A1CF: variants seen among roughly 807,000 people sequenced by gnomAD.
The protein encoded by A1CF is APOBEC-1 stimulating protein.
A neutral mutation model predicts 68.9 loss-of-function variants in A1CF; 48 were observed. That is an observed-to-expected ratio of 0.70 (90% CI 0.55 to 0.89). The LOEUF (loss-of-function observed/expected upper bound fraction) is 0.89, where lower values mean the gene tolerates loss of function less well. Ranked by LOEUF, A1CF falls within the 40% of genes least tolerant of loss-of-function variation. A1CF has a pLI of 0.00. For synonymous variants in A1CF, 272 were observed against 260.4 expected (o/e 1.04, Z -0.43); for missense variants, 653 against 718.9 (o/e 0.91, Z 1.05).
chr10:50,845,500 T>A (rs1839957097), intron 3 of A1CF, among the ~76,000 whole-genome samples: 1 of 152,218 alleles, frequency 6.6e-6, no homozygotes, highest in Non-Finnish European at 1.5e-5. Context: ...ACATAAGGTA[T>A]CAAAGCCCAG....
intron 8 of A1CF, among the ~76,000 whole-genome samples, chr10:50,818,658 C>A (rs958316390): frequency 6.6e-6 from 1 of 152,102 alleles, no homozygotes; most frequent in Non-Finnish European, 1.5e-5. Flanking sequence ...TAAATGTGAT[C>A]ATCAATGAAG....
chr10:50,860,121 A>G (rs891249769), intron 2 of A1CF, 136 bp from the exon 3 acceptor site: 2 of 576,666 alleles, frequency 3.5e-6, no homozygotes, highest in Admixed American at 6.3e-5. Flanking sequence ...GTTACATACA[A>G]ACAAGGCTGT....
chr10:50,811,722 T>C (rs930330045), intron 10 of A1CF, among the ~76,000 whole-genome samples: 7 of 152,236 alleles, frequency 4.6e-5, no homozygotes, highest in Non-Finnish European at 1.0e-4. Flanking sequence ...TTTTATTTGT[T>C]TGGTAAGACA....
At chr10:50,825,889 A>G (rs1838905419) in intron 7 of A1CF, among the ~76,000 whole-genome samples, 1 of 152,102 alleles carries the variant, frequency 6.6e-6, no homozygotes, top group African/African-American at 2.4e-5. Context: ...GCCCACCCGT[A>G]GAGTATATTT....
At chr10:50,838,968 C>T (rs961630137) in intron 5 of A1CF, among the ~76,000 whole-genome samples, 2 of 152,114 alleles carry the variant, frequency 1.3e-5, no homozygotes, top group East Asian at 1.9e-4. Context: ...TTCCCTTCTC[C>T]TCCTCCATCA....
chr10:50,806,850 A>C lies in A1CF; in HGVS notation c.1640T>G (p.Val547Gly). ...GYAVPNATAP[V>G]SAAQLKQAVT... Reference sequence around the variant, plus strand: ...CGCTTGCTTGAGCTGGGCTGCAGACACGGGTGCAGTTGCATTAGGGACAGC... The same window carrying C: ...CGCTTGCTTGAGCTGGGCTGCAGACCCGGGTGCAGTTGCATTAGGGACAGC... Residue 547 changes from valine to glycine, a missense_variant, in exon 13 of 13, where the codon GTG (valine) becomes GGG (glycine). Physicochemically the swap from Val to Gly is moderately radical, Grantham distance 109 (BLOSUM62 -3). Coordinates refer to ENST00000373997, the MANE Select transcript of A1CF (RefSeq NM_014576.4). 1.9e-6 allele frequency: 3 copies of C among 1,613,168 alleles called. No homozygotes were observed. The highest frequency in any genetic ancestry group is 1.7e-6 in the Non-Finnish European group (2 of 1,179,520).
chr10:50,814,793 C>A (rs1838288280), intron 9 of A1CF, among the ~76,000 whole-genome samples: 1 of 151,294 alleles, frequency 6.6e-6, no homozygotes, highest in Non-Finnish European at 1.5e-5. Context: ...TGTTTTTTTT[C>A]GACATCATAA....
chr10:50,801,314 A>G lies in A1CF; in HGVS notation c.*5415T>C, dbSNP rs562070276. The G allele has an allele frequency of 2.6e-5, 4 of 152,378 alleles. No homozygotes were observed. The highest frequency in any genetic ancestry group is 6.5e-5 in the Admixed American group (1 of 15,296). 9.4% of individuals were successfully genotyped at this position (152,378 alleles called of 1,614,324 possible). ...GCTAGGCTCTTTAGTTTAAGCTGTT[A>G]TCTGCTTTGGAGAAGACAAAGCCAA... is the stretch of plus-strand genomic sequence containing the variant. On this transcript the variant is annotated 3_prime_UTR_variant, in exon 13 of 13. Transcript: ENST00000373997.
In A1CF at chr10:50,836,124, T is replaced by G; in HGVS notation, c.554A>C (p.Glu185Ala). ...GGCAGCTGCTCGATGACTCTCATAC[T>G]CCACGAAGGCAAAGCCTCGGTTTTT... is the stretch of plus-strand genomic sequence containing the variant. ...KTKNRGFAFV[E>A]YESHRAAAMA... The change falls in exon 6 of 13, where the codon GAG becomes GCG. Residue 185 changes from glutamate to alanine, a missense_variant. Physicochemically the swap from Glu to Ala is moderately radical, Grantham distance 107. Coordinates refer to ENST00000373997, the MANE Select transcript of A1CF (RefSeq NM_014576.4). 1 of 1,613,994 alleles carries G rather than the reference T, an allele frequency of 6.2e-7. No individual in the cohort carries two copies. The highest frequency in any genetic ancestry group is 8.5e-7 in the Non-Finnish European group (1 of 1,179,890).
At chr10:50,851,038 C>T (rs1465102187) in intron 3 of A1CF, among the ~76,000 whole-genome samples, 1 of 152,198 alleles carries the variant, frequency 6.6e-6, no homozygotes, top group Non-Finnish European at 1.5e-5. Flanking sequence ...GGTAATTGCT[C>T]TTCTATCTTT....
chr10:50,832,476 C>T (rs1839294485), intron 6 of A1CF, among the ~76,000 whole-genome samples: 1 of 152,132 alleles, frequency 6.6e-6, no homozygotes, highest in African/African-American at 2.4e-5. Flanking sequence ...TAGCTTTAGT[C>T]TTCTCAGCCT....
intron 4 of A1CF, among the ~76,000 whole-genome samples, chr10:50,843,264 T>A (rs1839857824): frequency 6.6e-6 from 1 of 152,190 alleles, no homozygotes; most frequent in African/African-American, 2.4e-5. Flanking sequence ...TCTTACAGAA[T>A]TAAGTCCTCA....
chr10:50,872,556 T>C (rs895097507), intron 1 of A1CF, among the ~76,000 whole-genome samples: 2 of 152,150 alleles, frequency 1.3e-5, no homozygotes, highest in Non-Finnish European at 1.5e-5. Flanking sequence ...CTGCCTGCCT[T>C]AAAGTGTTGC....
chr10:50,840,630 G>T (rs546782442), intron 5 of A1CF, among the ~76,000 whole-genome samples: 48 of 152,226 alleles, frequency 3.2e-4, no homozygotes, highest in African/African-American at 1.2e-3. Context: ...GTTGCACAAA[G>T]TCAATTACAT....
In A1CF at chr10:50,813,998, C is replaced by T. The variant is rs1451999816; in HGVS notation, c.1182G>A (p.Leu394=). 2 of 1,613,622 alleles carry T rather than the reference C, an allele frequency of 1.2e-6. No homozygotes were observed. The highest frequency in any genetic ancestry group is 2.7e-5 in the African/African-American group (2 of 74,852). The stretch of plus-strand genomic sequence containing the variant: ...ATCCTCGACCCAGGCCTGTGTATGC[C>T]AAATAGCCACGGCCGCCCAGTCCTC... ...GVRGLGGRGY[L]AYTGLGRGYQ... The change falls in exon 10 of 13, where the codon TTG becomes TTA. Residue 394 remains leucine (L), a synonymous_variant. Transcript: ENST00000373997.
chr10:50,807,970 T>C (rs1434563431), intron 12 of A1CF, among the ~76,000 whole-genome samples: 3 of 152,224 alleles, frequency 2.0e-5, no homozygotes, highest in African/African-American at 7.2e-5. Context: ...TTTTGGTCAG[T>C]AATGCTGATT....
intron 8 of A1CF, among the ~76,000 whole-genome samples, chr10:50,816,876 G>T (rs1297085567): frequency 6.6e-6 from 1 of 152,172 alleles, no homozygotes; most frequent in Non-Finnish European, 1.5e-5. Context: ...AGAGGAATCT[G>T]GGAGGCTGTT....
chr10:50,881,940 A>G (rs1213493682), intron 1 of A1CF, among the ~76,000 whole-genome samples: 1 of 152,230 alleles, frequency 6.6e-6, no homozygotes, highest in Non-Finnish European at 1.5e-5. Flanking sequence ...ATAAAACTCC[A>G]CATATAAATC....
At position 50,800,711 on chromosome 10, in the gene A1CF, G is replaced by A. The variant is rs1037003577; in HGVS notation, c.*6018C>T. ...TTCCAATGTTAGTGAAGAGAATAGA[G>A]GGAGGGAAAAAGGGAAATTTTATGA... On this transcript the variant is annotated 3_prime_UTR_variant, in exon 13 of 13. Coordinates refer to ENST00000373997, the MANE Select transcript of A1CF (RefSeq NM_014576.4). 3.3e-5 allele frequency: 5 copies of A among 152,028 alleles called. No homozygotes were observed. The South Asian group carries it at 1.0e-3, about 32-fold the overall frequency. 9.4% of individuals were successfully genotyped at this position (152,028 alleles called of 1,614,324 possible). A position where few individuals can be genotyped will look rare whatever the true frequency, so the allele number is the denominator to read the frequency against.
Sources: allele counts gnomAD v4.1 joint callset (sites outside exome capture counted in the v4.1 genomes callset), GRCh38; gene constraint gnomAD v4.1.1; transcripts MANE v1.5; gene names NCBI Gene and HGNC (gene_info 2026-07-23, HGNC 2026-07-21).